Variants in RIMS1 observed in about 807,000 individuals in gnomAD.
The protein encoded by RIMS1 is regulating synaptic membrane exocytosis 1.
A neutral mutation model predicts 214.1 loss-of-function variants in RIMS1; 83 were observed. The ratio of observed to expected loss-of-function variants is 0.39; its 90% CI spans 0.32 to 0.47. The LOEUF is 0.47. Ranked by LOEUF, RIMS1 falls within the 20% of genes least tolerant of loss-of-function variation. The pLI is 0.99. For synonymous variants in RIMS1, 793 were observed against 786.8 expected (o/e 1.01, Z -0.13); for missense variants, 2,050 against 2,161.8 (o/e 0.95, Z 1.03).
chr6:72,249,373 C>T (rs776741736), intron 12 of RIMS1, among the ~76,000 whole-genome samples: 6 of 152,132 alleles, frequency 3.9e-5, no homozygotes, highest in African/African-American at 9.7e-5. Flanking sequence ...GGTCTACTGT[C>T]ATGAAATCTT....
intron 29 of RIMS1, 42 bp from the exon 30 acceptor site, chr6:72,390,556 G>A (rs2098686716): frequency 1.3e-6 from 2 of 1,564,826 alleles, no homozygotes; most frequent in South Asian, 1.2e-5. Context: ...GGAGTAAACT[G>A]TCTAAATAAA....
At chr6:72,078,010 T>C (rs545731242) in intron 2 of RIMS1, among the ~76,000 whole-genome samples, 3 of 152,328 alleles carry the variant, frequency 2.0e-5, no homozygotes, top group Admixed American at 6.5e-5. Context: ...CTCATGCCTC[T>C]ACGCTTTTGT....
At chr6:72,280,872 A>G (rs1364388197) in intron 23 of RIMS1, among the ~76,000 whole-genome samples, 5 of 152,148 alleles carry the variant, frequency 3.3e-5, no homozygotes, top group Non-Finnish European at 2.9e-5. Flanking sequence ...TGCAAAAAAC[A>G]TAGTCAATTC....
chr6:72,108,357 T>G (rs117281765), intron 4 of RIMS1, among the ~76,000 whole-genome samples: 10,636 of 152,246 alleles, frequency 0.07, 423 homozygotes, highest in Non-Finnish European at 0.093. Flanking sequence ...CCCAAAGTGC[T>G]AGGATTACAG....
intron 4 of RIMS1, among the ~76,000 whole-genome samples, chr6:72,120,018 G>A (rs1362854729): frequency 6.6e-6 from 1 of 151,834 alleles, no homozygotes; most frequent in Non-Finnish European, 1.5e-5. Flanking sequence ...ATTCCATGAT[G>A]TATATGGGCC....
intron 4 of RIMS1, among the ~76,000 whole-genome samples, chr6:72,136,249 C>T (rs932137115): frequency 1.3e-5 from 2 of 151,414 alleles, no homozygotes; most frequent in African/African-American, 4.9e-5. Context: ...AATAGGAGTT[C>T]CAGAAGATGA....
At chr6:72,383,630 A>C (rs1051130457) in intron 29 of RIMS1, among the ~76,000 whole-genome samples, 5 of 150,932 alleles carry the variant, frequency 3.3e-5, no homozygotes, top group Admixed American at 6.6e-5. Flanking sequence ...AAAAAAAAAA[A>C]ACTAAAACAA....
chr6:72,060,664 T>C (rs947640608), intron 2 of RIMS1, among the ~76,000 whole-genome samples: 2 of 152,238 alleles, frequency 1.3e-5, no homozygotes, highest in Non-Finnish European at 2.9e-5. Flanking sequence ...AAAGCCATTT[T>C]TTTAGGTCCT....
At chr6:72,046,160 G>A (rs1822964571) in intron 2 of RIMS1, among the ~76,000 whole-genome samples, 1 of 152,086 alleles carries the variant, frequency 6.6e-6, no homozygotes, top group Admixed American at 6.6e-5. Flanking sequence ...CTCTCAGGAA[G>A]TTGTTGAACT....
intron 22 of RIMS1, among the ~76,000 whole-genome samples, chr6:72,272,384 G>A (rs2083865752): frequency 6.6e-6 from 1 of 151,998 alleles, no homozygotes; most frequent in African/African-American, 2.4e-5. Context: ...ACAAAAGCTT[G>A]GATATAAATT....
chr6:72,078,077 G>A (rs1477453867), intron 2 of RIMS1, among the ~76,000 whole-genome samples: 1 of 152,126 alleles, frequency 6.6e-6, no homozygotes, highest in Non-Finnish European at 1.5e-5. Flanking sequence ...GGTTTTGAAA[G>A]CAATCTGTTA....
chr6:72,198,774 A>G (rs2051428374), intron 6 of RIMS1, among the ~76,000 whole-genome samples: 1 of 151,948 alleles, frequency 6.6e-6, no homozygotes, highest in Non-Finnish European at 1.5e-5. Context: ...GTACCTCATA[A>G]TTATGTATAA....
intron 30 of RIMS1, 50 bp downstream of exon 30, chr6:72,390,786 C>G: frequency 6.3e-7 from 1 of 1,591,460 alleles, no homozygotes; most frequent in South Asian, 1.1e-5. Flanking sequence ...GAATTGTGTA[C>G]TAATCAGTAA....
intron 4 of RIMS1, among the ~76,000 whole-genome samples, chr6:72,134,125 A>G (rs977838882): frequency 1.1e-4 from 17 of 152,144 alleles, no homozygotes; most frequent in African/African-American, 4.1e-4. Context: ...TTTAAAGACA[A>G]TACTGCAGAT....
At chr6:72,189,958 C>T (rs1056771302) in intron 6 of RIMS1, among the ~76,000 whole-genome samples, 2 of 152,216 alleles carry the variant, frequency 1.3e-5, no homozygotes, top group Non-Finnish European at 2.9e-5. Flanking sequence ...GTACCTCTTC[C>T]CCAGATTTCT....
chr6:72,274,960 G>T (rs914057091), intron 23 of RIMS1, among the ~76,000 whole-genome samples: 5 of 151,044 alleles, frequency 3.3e-5, no homozygotes, highest in African/African-American at 1.2e-4. Flanking sequence ...ACACAATATT[G>T]TCCAGGGCTA....
At position 72,290,885 on chromosome 6, in the gene RIMS1, G is replaced by A. The variant is rs775396538; in HGVS notation, c.3737+24G>A. The stretch of plus-strand genomic sequence containing the variant: ...AGGTCGCTATTCAGTGTCCCCCTCA[G>A]CATTCATGTCCTGCCTCCGGGTGTT... On this transcript the variant is annotated intron_variant, in intron 25 of 33. Coordinates refer to ENST00000521978, the MANE Select transcript of RIMS1 (RefSeq NM_014989.7). The A allele has an allele frequency of 1.9e-6, 3 of 1,607,592 alleles. No homozygotes were observed. The South Asian group carries it at 3.3e-5, about 18-fold the overall frequency.
chr6:71,923,735 T>C (rs1780727483), intron 1 of RIMS1, among the ~76,000 whole-genome samples: 2 of 152,120 alleles, frequency 1.3e-5, no homozygotes, highest in Non-Finnish European at 2.9e-5. Flanking sequence ...CAGCTAATTT[T>C]GTATTTTTAG....
intron 2 of RIMS1, among the ~76,000 whole-genome samples, chr6:72,068,651 T>C (rs1829873095): frequency 6.6e-6 from 1 of 151,920 alleles, no homozygotes; most frequent in Admixed American, 6.6e-5. Flanking sequence ...TGGCGGGGCG[T>C]GGTGGCTCAT....
Sources: allele counts gnomAD v4.1 joint callset (sites outside exome capture counted in the v4.1 genomes callset), GRCh38; gene constraint gnomAD v4.1.1; transcripts MANE v1.5; gene names NCBI Gene and HGNC (gene_info 2026-07-23, HGNC 2026-07-21).